SLC6A15: variants seen among roughly 807,000 people sequenced by gnomAD.
The protein encoded by SLC6A15 is solute carrier family 6 member 15, also known as sodium-dependent neutral amino acid transporter B(0)AT2.
Under a neutral mutation model 68.5 loss-of-function variants are expected in SLC6A15, and 33 were observed. The observed-to-expected ratio is 0.48, with a 90% confidence interval of 0.37 to 0.64. SLC6A15 has a LOEUF of 0.64. SLC6A15 is among the 30% of genes least tolerant of loss of function. The pLI is 0.00. For missense variants in SLC6A15, 747 were observed against 874.3 expected (o/e 0.85, Z 1.84); for synonymous variants, 347 against 301.0 (o/e 1.15, Z -1.58).
intron 2 of SLC6A15, among the ~76,000 whole-genome samples, chr12:84,889,267 G>C (rs990783772): frequency 2.0e-5 from 3 of 151,808 alleles, no homozygotes; most frequent in Non-Finnish European, 4.4e-5. Context: ...GAGGCAGACG[G>C]ATCATGAGGT....
intron 1 of SLC6A15, among the ~76,000 whole-genome samples, chr12:84,910,605 G>T (rs190104767): frequency 6.6e-6 from 1 of 152,190 alleles, no homozygotes; most frequent in African/African-American, 2.4e-5. Flanking sequence ...GAAACATCCC[G>T]TCTAACCAAC....
chr12:84,868,626 A>G (rs1565720501), intron 9 of SLC6A15, among the ~76,000 whole-genome samples: 1 of 152,258 alleles, frequency 6.6e-6, no homozygotes, highest in Non-Finnish European at 1.5e-5. Flanking sequence ...TGCATAAAGA[A>G]GTAAACACAC....
At chr12:84,883,151 GAAA>G (rs60034973) in intron 5 of SLC6A15, 274 of 880,966 alleles carry the variant, frequency 3.1e-4, no homozygotes, top group African/African-American at 8.3e-4. Context: ...CTGTGATAAT[GAAA>G]AAAAAAAAAA....
rs1565723353 is a variant in SLC6A15 at position 84,875,699 on chromosome 12, T to TATATATATATA, written c.867+797_867+798insTATATATATAT. ...ATATATATATATATATATATATATA[T>TATATATATATA]GAGAATCAAAAACGTGGTCCCTGTT... On this transcript the variant is annotated intron_variant, in intron 6 of 11. Coordinates refer to ENST00000266682, the MANE Select transcript of SLC6A15 (RefSeq NM_182767.6). 1.3e-3 allele frequency among the ~76,000 whole-genome samples: 18 copies of TATATATATATA among 13,938 alleles called. 4 individuals are homozygous for TATATATATATA. Among genetic ancestry groups the TATATATATATA allele is most frequent in the Admixed American group, 5.1e-3 (5 of 986 alleles). The allele number at this position is 13,938 out of a possible 152,430, so 9.1% of individuals were successfully genotyped here.
chr12:84,910,556 T>A (rs1275582812), intron 1 of SLC6A15, among the ~76,000 whole-genome samples: 2 of 152,194 alleles, frequency 1.3e-5, no homozygotes, highest in African/African-American at 4.8e-5. Context: ...TTGCAGACCT[T>A]GGTGAAAGCG....
chr12:84,911,743 C>A (rs1056822674), intron 1 of SLC6A15, among the ~76,000 whole-genome samples: 6 of 152,290 alleles, frequency 3.9e-5, no homozygotes, highest in East Asian at 3.9e-4. Flanking sequence ...CACAGACCAG[C>A]CTAGTGAAAG....
intron 4 of SLC6A15, among the ~76,000 whole-genome samples, chr12:84,884,397 C>A (rs1015111229): frequency 1.3e-5 from 2 of 152,040 alleles, no homozygotes; most frequent in Non-Finnish European, 2.9e-5. Context: ...CCTCTGCCTC[C>A]CGGATTCAAG....
chr12:84,885,804 TA>T (rs1361313190), intron 3 of SLC6A15, 106 bp downstream of exon 3: 1 of 1,196,492 alleles, frequency 8.4e-7, no homozygotes, highest in Non-Finnish European at 1.2e-6. Flanking sequence ...TAAAACATAG[TA>T]AAAGAGTTGT....
In SLC6A15 at chr12:84,885,437, G is replaced by A; in HGVS notation, c.572C>T (p.Thr191Ile). 6.2e-7 allele frequency: 1 copy of A among 1,612,294 alleles called. No individual in the cohort carries two copies. Among genetic ancestry groups the A allele is most frequent in the South Asian group, 1.1e-5 (1 of 90,872 alleles). The change falls in exon 4 of 12, where the codon ACT becomes ATT. Residue 191 changes from threonine (T) to isoleucine (I), a missense_variant and splice_region_variant. Transcript: ENST00000266682. ...ACACTGTATTATACATATCTTACAAGTGTGTGAAGCATTTTTCACCAAAGG... is the reference window on the plus strand; with the variant it reads ...ACACTGTATTATACATATCTTACAAATGTGTGAAGCATTTTTCACCAAAGG... ...QCPLVKNASHTFVEPECEQSS... is the reference protein window; with the variant it reads ...QCPLVKNASHIFVEPECEQSS...
chr12:84,884,010 G>A lies in SLC6A15; in HGVS notation c.605C>T (p.Ala202Val). Residue 202 changes from alanine to valine, a missense_variant, in exon 5 of 12, where the codon GCC (alanine) becomes GTC (valine). Coordinates refer to ENST00000266682, the MANE Select transcript of SLC6A15 (RefSeq NM_182767.6). ...FVEPECEQSSATTYYWYREAL... is the reference protein window; with the variant it reads ...FVEPECEQSSVTTYYWYREAL... ...TTCCCTGTACCAGTAATAGGTGGTG[G>A]CAGAACTTTGTTCACATTCTGGTTC... 1 of 1,614,052 alleles carries A rather than the reference G, an allele frequency of 6.2e-7. No homozygotes were observed. Among genetic ancestry groups the A allele is most frequent in the South Asian group, 1.1e-5 (1 of 91,060 alleles).
chr12:84,902,851 G>A (rs758681339), intron 1 of SLC6A15, among the ~76,000 whole-genome samples: 3 of 152,046 alleles, frequency 2.0e-5, no homozygotes, highest in Non-Finnish European at 4.4e-5. Flanking sequence ...GGGATGGAGA[G>A]GGTAAATGGG....
intron 1 of SLC6A15, among the ~76,000 whole-genome samples, chr12:84,904,468 A>C (rs1018345516): frequency 2.6e-5 from 4 of 152,174 alleles, no homozygotes; most frequent in Admixed American, 2.6e-4. Context: ...AGATATCTGA[A>C]ACATTTGTCT....
At chr12:84,867,552 T>A (rs1259395719) in intron 9 of SLC6A15, 1 of 155,282 alleles carries the variant, frequency 6.4e-6, no homozygotes, top group Non-Finnish European at 1.4e-5. Context: ...GCACCAAATA[T>A]TTATAGGTCA....
intron 5 of SLC6A15, among the ~76,000 whole-genome samples, chr12:84,879,908 T>A (rs1012495619): frequency 6.6e-6 from 1 of 152,178 alleles, no homozygotes. Flanking sequence ...TTTACAGGAA[T>A]TTGAGTTTTT....
intron 5 of SLC6A15, among the ~76,000 whole-genome samples, chr12:84,878,645 TTTTAA>T (rs1186017952): frequency 6.6e-6 from 1 of 152,006 alleles, no homozygotes; most frequent in Non-Finnish European, 1.5e-5. Context: ...TTTAATTTTG[TTTTAA>T]TTTTATATTT....
chr12:84,869,331 A>G (rs552555202), intron 9 of SLC6A15, among the ~76,000 whole-genome samples: 84 of 152,042 alleles, frequency 5.5e-4, no homozygotes, highest in Middle Eastern at 3.4e-3. Context: ...GCGTGTTGGC[A>G]CGCGCCTGTA....
chr12:84,863,624 A>G, intron 10 of SLC6A15, 23 bp from the exon 11 acceptor site: 1 of 1,476,314 alleles, frequency 6.8e-7, no homozygotes, highest in Non-Finnish European at 9.0e-7. Flanking sequence ...AAAGTATTTA[A>G]TTATTCCTTA....
chr12:84,900,265 T>C (rs535633957), intron 1 of SLC6A15, among the ~76,000 whole-genome samples: 1 of 152,180 alleles, frequency 6.6e-6, no homozygotes, highest in Admixed American at 6.5e-5. Flanking sequence ...TTCTTAGGTT[T>C]CAATTATATT....
chr12:84,862,313 A>T (rs1239662428), intron 11 of SLC6A15, among the ~76,000 whole-genome samples: 1 of 152,212 alleles, frequency 6.6e-6, no homozygotes. Flanking sequence ...GAGTTAGCCC[A>T]GGCAAGAAAA....
Sources: gnomAD v4.1 joint callset for allele counts (sites outside exome capture counted in the v4.1 genomes callset) on GRCh38, gnomAD v4.1.1 for gene constraint, MANE v1.5 for transcripts, NCBI Gene and HGNC (gene_info 2026-07-23, HGNC 2026-07-21) for gene names.